The following STPG1 variants were observed in gnomAD, a reference collection of about 807,000 sequenced individuals.
The protein encoded by STPG1 is O(6)-methylguanine-induced apoptosis 2.
Under a neutral mutation model 40.1 loss-of-function variants are expected in STPG1, and 33 were observed. The ratio of observed to expected loss-of-function variants is 0.82; its 90% CI spans 0.62 to 1.10. The LOEUF (loss-of-function observed/expected upper bound fraction) is 1.10, where lower values mean the gene tolerates loss of function less well. Among genes scored for constraint, STPG1 ranks in the 50% least tolerant of loss-of-function variants. The pLI is 0.00. For missense variants in STPG1, 396 were observed against 415.1 expected, an observed-to-expected ratio of 0.95 and a Z score of 0.40; for synonymous variants, 150 against 155.0, an observed-to-expected ratio of 0.97 and a Z score of 0.24.
intron 7 of STPG1, chr1:24,364,123 G>A: frequency 4.8e-6 from 7 of 1,466,148 alleles, no homozygotes; most frequent in South Asian, 4.3e-5. Flanking sequence ...TTCCTTCTGT[G>A]AGAAACACCA....
At chr1:24,390,526 C>A (rs980943964) in intron 3 of STPG1, among the ~76,000 whole-genome samples, 1 of 152,154 alleles carries the variant, frequency 6.6e-6, no homozygotes, top group Non-Finnish European at 1.5e-5. Context: ...TCATGTGATT[C>A]TCCTGCCTCA....
chr1:24,373,332 TATGGTC>T (rs1641841326), intron 6 of STPG1, among the ~76,000 whole-genome samples: 1 of 152,172 alleles, frequency 6.6e-6, no homozygotes, highest in Admixed American at 6.5e-5. Context: ...GAACAGGATG[TATGGTC>T]ATGCCCTGTA....
Position 24,359,678 on chromosome 1 carries a change from C to G in STPG1, c.929-1059G>C, listed in dbSNP as rs922783196. Among the ~76,000 whole-genome samples the G allele has an allele frequency of 4.3e-4, 65 of 152,348 alleles. No homozygotes were observed. The highest frequency in any genetic ancestry group is 1.5e-3 in the African/African-American group (64 of 41,588). The stretch of plus-strand genomic sequence containing the variant: ...CCCTCGCACGGGAGCATCGTCAACA[C>G]TCACAGAAAGGCTGGGTGTAACCAA... On this transcript the variant is annotated intron_variant, in intron 8 of 8. Transcript: ENST00000337248. This position sits in a 1 kb window ranked among gnomAD's most constrained non-coding sequence, Gnocchi z 5.3.
intron 6 of STPG1, among the ~76,000 whole-genome samples, chr1:24,372,663 G>A (rs1464574975): frequency 6.6e-6 from 1 of 152,222 alleles, no homozygotes; most frequent in Admixed American, 6.5e-5. Context: ...CCTAATTAGC[G>A]CTGGTTTTGT....
intron 3 of STPG1, among the ~76,000 whole-genome samples, chr1:24,387,290 T>G (rs1024709886): frequency 6.6e-6 from 1 of 152,166 alleles, no homozygotes; most frequent in Middle Eastern, 3.2e-3. Context: ...ACAGTGCTCA[T>G]GGATGGATGT....
chr1:24,363,997 A>T (rs1641288577), intron 7 of STPG1, among the ~76,000 whole-genome samples: 1 of 152,072 alleles, frequency 6.6e-6, no homozygotes, highest in Non-Finnish European at 1.5e-5. Flanking sequence ...TAAAGGCAAG[A>T]TCTATTTATG....
chr1:24,364,186 G>T (rs6694170), intron 7 of STPG1: 3 of 1,489,074 alleles, frequency 2.0e-6, no homozygotes, highest in Non-Finnish European at 2.7e-6. Flanking sequence ...TTCTTCCAGG[G>T]AAACTTCTCT....
At position 24,399,522 on chromosome 1, in the gene STPG1, A is replaced by G. The variant is rs1016277221; in HGVS notation, c.70+1797T>C. ...AATAAAATAGACATGTACACTAAACATAAAGAGACTGATAAATTGGGCTAT... is the reference window on the plus strand; with the variant it reads ...AATAAAATAGACATGTACACTAAACGTAAAGAGACTGATAAATTGGGCTAT... On this transcript the variant is annotated intron_variant, in intron 2 of 8. Transcript: ENST00000337248. This position sits in a 1 kb window ranked among gnomAD's most constrained non-coding sequence, Gnocchi z 4.0. Among the ~76,000 whole-genome samples, 3 of 152,222 alleles carry G rather than the reference A, an allele frequency of 2.0e-5. No homozygotes were observed. Among genetic ancestry groups the G allele is most frequent in the African/African-American group, 7.2e-5 (3 of 41,464 alleles).
In STPG1 at chr1:24,369,119, C is replaced by G. The variant is rs541369683; in HGVS notation, c.737+555G>C. ...TAGAACTCTGCCCAAGGTCACAGAG[C>G]ATAAAAACAGCAGAGCTGAAGTACA... is the stretch of plus-strand genomic sequence containing the variant. On this transcript the variant is annotated intron_variant, in intron 7 of 8. Transcript: ENST00000337248. The G allele has an allele frequency of 2.8e-4, 94 of 336,140 alleles. 1 individual carries two copies. The highest frequency in any genetic ancestry group is 2.2e-3 in the South Asian group (92 of 41,860). 20.8% of individuals were successfully genotyped at this position (336,140 alleles called of 1,614,324 possible). A position where few individuals can be genotyped will look rare whatever the true frequency, so the allele number is the denominator to read the frequency against.
At chr1:24,362,478 G>T (rs1233759735) in intron 7 of STPG1, among the ~76,000 whole-genome samples, 1 of 152,184 alleles carries the variant, frequency 6.6e-6, no homozygotes, top group Non-Finnish European at 1.5e-5. Flanking sequence ...TTTCTCTATA[G>T]CTTAGCGTCA....
intron 1 of STPG1, among the ~76,000 whole-genome samples, chr1:24,402,508 T>A (rs1292164077): frequency 6.6e-6 from 1 of 152,092 alleles, no homozygotes; most frequent in East Asian, 1.9e-4. Context: ...ACACCTATAA[T>A]CCCAACACCT....
intron 1 of STPG1, among the ~76,000 whole-genome samples, chr1:24,402,755 A>C (rs1455260224): frequency 6.6e-6 from 1 of 151,108 alleles, no homozygotes; most frequent in Admixed American, 6.6e-5. Context: ...CAAAAAAAAA[A>C]AACAAAAAAA....
chr1:24,363,906 T>C (rs1569974990), intron 7 of STPG1, among the ~76,000 whole-genome samples: 1 of 152,188 alleles, frequency 6.6e-6, no homozygotes, highest in South Asian at 2.1e-4. Context: ...CTAGACTGCC[T>C]TCAACCCTCC....
chr1:24,370,567 C>T (rs1453365800), intron 6 of STPG1, among the ~76,000 whole-genome samples: 1 of 152,152 alleles, frequency 6.6e-6, no homozygotes, highest in African/African-American at 2.4e-5. Flanking sequence ...TCTCAGCTCA[C>T]TGCAAGCTCT....
intron 2 of STPG1, among the ~76,000 whole-genome samples, chr1:24,400,647 G>A (rs1032652605): frequency 6.6e-6 from 1 of 152,162 alleles, no homozygotes; most frequent in Non-Finnish European, 1.5e-5. Flanking sequence ...TAACAGCCTC[G>A]AAAGAAAAAG....
At position 24,369,782 on chromosome 1, in the gene STPG1, C is replaced by G. The variant is rs1641649315; in HGVS notation, c.629G>C (p.Cys210Ser). The change falls in exon 7 of 9, where the codon TGT becomes TCT. Residue 210 changes from cysteine to serine, a missense_variant. Transcript: ENST00000337248. ...VKQSPNTLMS[C>S]FKSKTNRGLK... ...TCCACGGTTGGTTTTTGATTTAAAA[C>G]AAGACATTAATGTATTTGGCGACTG... The G allele has an allele frequency of 6.2e-7, 1 of 1,613,176 alleles. No homozygotes were observed. Among genetic ancestry groups the G allele is most frequent in the Non-Finnish European group, 8.5e-7 (1 of 1,179,280 alleles).
chr1:24,395,868 A>G (rs1642979321), intron 2 of STPG1, among the ~76,000 whole-genome samples: 1 of 152,088 alleles, frequency 6.6e-6, no homozygotes, highest in African/African-American at 2.4e-5. Flanking sequence ...CTGTAATCCC[A>G]GCTATTCAGG....
chr1:24,373,675 C>G, intron 6 of STPG1, 27 bp downstream of exon 6: 1 of 1,496,002 alleles, frequency 6.7e-7, no homozygotes, highest in African/African-American at 1.4e-5. Context: ...ACCCTTAGGT[C>G]AAGGCCAGTG....
intron 2 of STPG1, among the ~76,000 whole-genome samples, chr1:24,392,243 T>A (rs1642803252): frequency 6.6e-6 from 1 of 152,222 alleles, no homozygotes; most frequent in East Asian, 1.9e-4. Context: ...AAACTGAAGT[T>A]AAAAGTTCCT....
Sources: gnomAD v4.1 joint callset for allele counts (sites outside exome capture counted in the v4.1 genomes callset) on GRCh38, gnomAD v4.1.1 for gene constraint, Gnocchi (gnomAD v3.1) non-coding constraint, MANE v1.5 for transcripts, NCBI Gene and HGNC (gene_info 2026-07-23, HGNC 2026-07-21) for gene names.